Variants in PRKG2 observed in about 807,000 individuals in gnomAD.
The protein encoded by PRKG2 is protein kinase cGMP-dependent 2, also known as cGMP-dependent protein kinase 2.
Under a neutral mutation model 97.2 loss-of-function variants are expected in PRKG2, and 33 were observed. The ratio of observed to expected loss-of-function variants is 0.34; its 90% CI spans 0.26 to 0.45. PRKG2 has a LOEUF of 0.45. PRKG2 is among the 20% of genes least tolerant of loss of function. The pLI is 1.00. For missense variants in PRKG2, 638 were observed against 900.0 expected (o/e 0.71, Z 3.73); for synonymous variants, 330 against 321.8 (o/e 1.03, Z -0.27).
At chr4:81,107,502 G>GTATT (rs959626911) in intron 15 of PRKG2, among the ~76,000 whole-genome samples, 12 of 151,936 alleles carry the variant, frequency 7.9e-5, no homozygotes, top group Admixed American at 2.0e-4. Flanking sequence ...AGTGAAGAGA[G>GTATT]TATTTATTTA....
intron 17 of PRKG2, among the ~76,000 whole-genome samples, chr4:81,104,059 C>CAAAA (rs1031715644): frequency 1.3e-5 from 2 of 151,764 alleles, no homozygotes; most frequent in East Asian, 1.9e-4. Flanking sequence ...AACAAACAAA[C>CAAAA]AAAAAAACCT....
upstream of PRKG2, among the ~76,000 whole-genome samples, chr4:81,216,956 T>A (rs904601787): frequency 2.1e-5 from 3 of 145,936 alleles, no homozygotes; most frequent in Non-Finnish European, 4.5e-5. Flanking sequence ...CAAAAAAAAA[T>A]TTTCCCAGTT....
At chr4:81,171,236 G>T (rs377705017) in intron 4 of PRKG2, among the ~76,000 whole-genome samples, 12 of 148,770 alleles carry the variant, frequency 8.1e-5, no homozygotes, top group Non-Finnish European at 1.0e-4. Context: ...ATTGTCCAAC[G>T]CCCACTTATA....
At chr4:81,161,342 C>A (rs1391872145) in intron 6 of PRKG2, among the ~76,000 whole-genome samples, 2 of 152,154 alleles carry the variant, frequency 1.3e-5, no homozygotes, top group Non-Finnish European at 2.9e-5. Context: ...CAACCCATAT[C>A]TTCAAAGATT....
intron 2 of PRKG2, among the ~76,000 whole-genome samples, chr4:81,178,140 G>C (rs934043746): frequency 4.0e-5 from 6 of 148,384 alleles, no homozygotes; most frequent in Non-Finnish European, 9.0e-5. Context: ...CAGCCTAGGA[G>C]TAAGAACAAA....
intron 17 of PRKG2, among the ~76,000 whole-genome samples, chr4:81,099,950 A>G (rs1742551362): frequency 6.6e-6 from 1 of 152,042 alleles, no homozygotes; most frequent in Non-Finnish European, 1.5e-5. Flanking sequence ...TCATGAGTGA[A>G]CTCCCATTCA....
chr4:81,149,793 C>A (rs1166533605), intron 8 of PRKG2, among the ~76,000 whole-genome samples: 2 of 152,036 alleles, frequency 1.3e-5, no homozygotes, highest in Non-Finnish European at 2.9e-5. Flanking sequence ...CTAAGCATAC[C>A]CTGGAGTATG....
Position 81,167,223 on chromosome 4 carries a change from C to A in PRKG2, c.850G>T (p.Val284Leu). The A allele has an allele frequency of 6.3e-7, 1 of 1,582,702 alleles. No individual in the cohort carries two copies. Among genetic ancestry groups the A allele is most frequent in the Non-Finnish European group, 8.6e-7 (1 of 1,162,760 alleles). The change falls in exon 6 of 19, where the codon GTA becomes TTA. Residue 284 changes from valine to leucine, a missense_variant and splice_region_variant. Physicochemically the swap from Val to Leu is conservative, Grantham distance 32. Transcript: ENST00000264399. ...DEQYRNFLRS[V>L]SLLKNLPEDK... ...TCAGGTAAATTCTTCAGCAAGGATA[C>A]ACTTCAAAATTAAAAAGAAACCTTC...
At chr4:81,099,387 G>A (rs1742472774) in intron 17 of PRKG2, among the ~76,000 whole-genome samples, 1 of 152,072 alleles carries the variant, frequency 6.6e-6, no homozygotes, top group Admixed American at 6.6e-5. Context: ...CTTCATCCCT[G>A]GGATGCAAGG....
chr4:81,092,466 AAGG>A lies in PRKG2; in HGVS notation c.2127-17_2127-15del. On this transcript the variant is annotated splice_polypyrimidine_tract_variant and intron_variant, in intron 17 of 18. Transcript: ENST00000264399. ...CCATTTAACCACCTGAGAAATGAGA[AAGG>A]AAGGAAGGAAGGAAGGAAGGAAGGA... The A allele has an allele frequency of 4.6e-6, 2 of 430,940 alleles. No individual in the cohort carries two copies. Among genetic ancestry groups the A allele is most frequent in the Non-Finnish European group, 7.6e-6 (2 of 262,920 alleles). The allele number at this position is 430,940 out of a possible 1,614,324, so 26.7% of individuals were successfully genotyped here.
chr4:81,153,034 T>C (rs1196952094), intron 7 of PRKG2, among the ~76,000 whole-genome samples: 1 of 152,184 alleles, frequency 6.6e-6, no homozygotes, highest in Non-Finnish European at 1.5e-5. Context: ...TCACAAATGC[T>C]TTTCATCTCT....
At chr4:81,190,235 G>T (rs1290748973) in intron 2 of PRKG2, among the ~76,000 whole-genome samples, 2 of 152,140 alleles carry the variant, frequency 1.3e-5, no homozygotes, top group Non-Finnish European at 2.9e-5. Context: ...CAGATATGTA[G>T]ACCAATGGAA....
intron 3 of PRKG2, among the ~76,000 whole-genome samples, chr4:81,172,117 A>G (rs1159281202): frequency 6.6e-6 from 1 of 152,012 alleles, no homozygotes; most frequent in African/African-American, 2.4e-5. Flanking sequence ...AATTTAGAAC[A>G]ATGGCTAGTG....
chr4:81,164,591 C>T (rs529730687), intron 6 of PRKG2, among the ~76,000 whole-genome samples: 1 of 152,182 alleles, frequency 6.6e-6, no homozygotes, highest in African/African-American at 2.4e-5. Flanking sequence ...TAAACCAGTG[C>T]TTCTTAGACT....
In PRKG2 at chr4:81,171,219, T is replaced by C. The variant is rs143384428; in HGVS notation, c.742+472A>G. On this transcript the variant is annotated intron_variant, in intron 4 of 18. Transcript: ENST00000264399. ...TGTTGTTCCCCTCCCTGTGTCCATG[T>C]GTTCTCATTGTCCAACGCCCACTTA... Among the ~76,000 whole-genome samples, 1,141 of 151,662 alleles carry C rather than the reference T, an allele frequency of 7.5e-3. 20 individuals are homozygous for C. The highest frequency in any genetic ancestry group is 0.026 in the African/African-American group (1,081 of 41,274).
rs370269168 is a variant in PRKG2, at chr4:81,105,879, A to G, written c.1997T>C (p.Ile666Thr). 8 of 1,613,814 alleles carry G rather than the reference A, an allele frequency of 5.0e-6. No individual in the cohort carries two copies. The highest frequency in any genetic ancestry group is 6.8e-6 in the Non-Finnish European group (8 of 1,179,794). ...CTTCCTGGGAAAATCCATTTTTTCA[A>G]TTCCTTTGAGAATCAAATTGTAGGT... ...MMTYNLILKG[I>T]EKMDFPRKIT... is the part of the protein sequence containing the mutation. Residue 666 changes from isoleucine to threonine, a missense_variant, in exon 16 of 19, where the codon ATT becomes ACT. Coordinates refer to ENST00000264399, the MANE Select transcript of PRKG2 (RefSeq NM_006259.3).
intron 15 of PRKG2, among the ~76,000 whole-genome samples, chr4:81,106,272 G>A (rs111336282): frequency 6.0e-4 from 92 of 152,266 alleles, no homozygotes; most frequent in African/African-American, 2.0e-3. Context: ...TTGTGCAGAC[G>A]TATGAATAAA....
chr4:81,196,251 C>T (rs1194538923), intron 2 of PRKG2, among the ~76,000 whole-genome samples: 1 of 152,166 alleles, frequency 6.6e-6, no homozygotes, highest in East Asian at 1.9e-4. Flanking sequence ...CTGTAGAAAG[C>T]TCTAGAAATG....
At chr4:81,187,072 C>T (rs560439187) in intron 2 of PRKG2, among the ~76,000 whole-genome samples, 2 of 152,278 alleles carry the variant, frequency 1.3e-5, no homozygotes, top group South Asian at 4.1e-4. Context: ...ACCATTCCTT[C>T]TGAAACTATT....
Sources: gnomAD v4.1 joint callset for allele counts (sites outside exome capture counted in the v4.1 genomes callset) on GRCh38, gnomAD v4.1.1 for gene constraint, MANE v1.5 for transcripts, NCBI Gene and HGNC (gene_info 2026-07-23, HGNC 2026-07-21) for gene names.